Variants in HNF4G observed in about 807,000 individuals in gnomAD.
HNF4G encodes hepatocyte nuclear factor 4 gamma.
Under a neutral mutation model 50.9 loss-of-function variants are expected in HNF4G, and 21 were observed. That is an observed-to-expected ratio of 0.41 (90% CI 0.29 to 0.59). The LOEUF (loss-of-function observed/expected upper bound fraction) is 0.59. HNF4G is among the 20% of genes least tolerant of loss of function. HNF4G has a pLI of 0.26. For synonymous variants in HNF4G, 198 were observed against 185.6 expected, an observed-to-expected ratio of 1.07 and a Z score of -0.54; for missense variants, 527 against 559.4, an observed-to-expected ratio of 0.94 and a Z score of 0.58.
intron 1 of HNF4G, among the ~76,000 whole-genome samples, chr8:75,420,320 A>T (rs2130487193): frequency 6.6e-6 from 1 of 152,340 alleles, no homozygotes; most frequent in Middle Eastern, 3.4e-3. Flanking sequence ...TTCAAGGAGG[A>T]CATTCTTAAA....
intron 1 of HNF4G, among the ~76,000 whole-genome samples, chr8:75,418,453 T>C (rs1414908010): frequency 6.6e-6 from 1 of 152,182 alleles, no homozygotes; most frequent in Non-Finnish European, 1.5e-5. Context: ...ATATATTTGT[T>C]TTCGACTATC....
chr8:75,534,238 A>G (rs141757031), intron 2 of HNF4G, among the ~76,000 whole-genome samples: 9 of 152,058 alleles, frequency 5.9e-5, no homozygotes, highest in African/African-American at 2.2e-4. Context: ...GTGACTGTCA[A>G]ATCCTAACAT....
intron 6 of HNF4G, among the ~76,000 whole-genome samples, chr8:75,558,293 A>C (rs934273500): frequency 6.6e-6 from 1 of 152,204 alleles, no homozygotes; most frequent in East Asian, 1.9e-4. Flanking sequence ...CCAGTGACTG[A>C]TCCCGTTAAA....
At chr8:75,470,693 T>C (rs1241412927) in intron 1 of HNF4G, among the ~76,000 whole-genome samples, 2 of 152,198 alleles carry the variant, frequency 1.3e-5, no homozygotes, top group Non-Finnish European at 2.9e-5. Context: ...CTGGATATCT[T>C]GTTATGTTAA....
At chr8:75,482,373 T>C (rs946465373) in intron 1 of HNF4G, among the ~76,000 whole-genome samples, 1 of 151,178 alleles carries the variant, frequency 6.6e-6, no homozygotes, top group Non-Finnish European at 1.5e-5. Context: ...CCCTCCCTTC[T>C]GCTCCATTTT....
At chr8:75,467,390 G>T (rs993941814) in intron 1 of HNF4G, among the ~76,000 whole-genome samples, 1 of 152,146 alleles carries the variant, frequency 6.6e-6, no homozygotes, top group South Asian at 2.1e-4. Context: ...GGCTGAGTGC[G>T]GTGGCTCATG....
In HNF4G at chr8:75,438,566, C is replaced by A. The variant is rs1435813354; in HGVS notation, c.-144+30404C>A. Among the ~76,000 whole-genome samples, 12 of 151,952 alleles carry A rather than the reference C, an allele frequency of 7.9e-5. 1 individual carries two copies. Among genetic ancestry groups the A allele is most frequent in the Non-Finnish European group, 1.8e-4 (12 of 67,948 alleles). ...TTTCTCTCTCTTCATCCCTCCCTCC[C>A]TTCCTTTCTTCCTTTTCAGTTATGA... On this transcript the variant is annotated intron_variant, in intron 1 of 10. Transcript: ENST00000354370.
At chr8:75,514,354 C>CTTTTTTTTTTCTTTTTTTT (rs1805837081) in intron 2 of HNF4G, among the ~76,000 whole-genome samples, 1 of 125,036 alleles carries the variant, frequency 8.0e-6, no homozygotes, top group Non-Finnish European at 1.6e-5. Flanking sequence ...TTTCTTCTTT[C>CTTTTTTTTTTCTTTTTTTT]TTTTTTTTTT....
At chr8:75,435,740 T>C (rs950817184) in intron 1 of HNF4G, among the ~76,000 whole-genome samples, 3 of 152,126 alleles carry the variant, frequency 2.0e-5, no homozygotes, top group African/African-American at 4.8e-5. Context: ...ATTACAGGCA[T>C]GCACCACCAC....
At chr8:75,515,055 G>C (rs1387450993) in intron 2 of HNF4G, among the ~76,000 whole-genome samples, 1 of 152,050 alleles carries the variant, frequency 6.6e-6, no homozygotes, top group Non-Finnish European at 1.5e-5. Context: ...TTGTCAACCA[G>C]TACTCTAGTT....
At chr8:75,530,157 A>C (rs1369173704) in intron 2 of HNF4G, among the ~76,000 whole-genome samples, 2 of 152,092 alleles carry the variant, frequency 1.3e-5, no homozygotes, top group Non-Finnish European at 2.9e-5. Context: ...ATACCTGGAG[A>C]GCTGCTGGTG....
chr8:75,534,785 T>G (rs1373417886), intron 2 of HNF4G, among the ~76,000 whole-genome samples: 1 of 151,810 alleles, frequency 6.6e-6, no homozygotes, highest in African/African-American at 2.4e-5. Context: ...TGGACTACAT[T>G]TTGTGAATTG....
In HNF4G at chr8:75,435,323, A is replaced by G. The variant is rs554325362; in HGVS notation, c.-144+27161A>G. 3.3e-5 allele frequency among the ~76,000 whole-genome samples: 5 copies of G among 152,354 alleles called. No individual in the cohort carries two copies. The South Asian group carries it at 1.0e-3, about 32-fold the overall frequency. ...TCTATTTCAGTCATCTTACAAATAC[A>G]GAAAAACAACCTATAAAATTAATGT... On this transcript the variant is annotated intron_variant, in intron 1 of 10. Transcript: ENST00000354370.
chr8:75,558,776 A>G, intron 7 of HNF4G, 25 bp from the exon 8 acceptor site: 1 of 1,596,706 alleles, frequency 6.3e-7, no homozygotes, highest in African/African-American at 1.3e-5. Context: ...AAATCTGTAC[A>G]CTGCCTCTCT....
At chr8:75,435,907 T>A (rs1811125639) in intron 1 of HNF4G, among the ~76,000 whole-genome samples, 1 of 152,224 alleles carries the variant, frequency 6.6e-6, no homozygotes, top group South Asian at 2.1e-4. Context: ...AAACAAATTT[T>A]AATGTTCTAT....
chr8:75,507,309 G>A (rs1805610822), intron 2 of HNF4G, among the ~76,000 whole-genome samples: 1 of 150,484 alleles, frequency 6.6e-6, no homozygotes, highest in Admixed American at 6.6e-5. Flanking sequence ...GCCCAGGCTG[G>A]AGTGCAGCGG....
chr8:75,461,928 A>ATATTTT (rs1481909660), intron 1 of HNF4G, among the ~76,000 whole-genome samples: 14 of 40,000 alleles, frequency 3.5e-4, no homozygotes, highest in African/African-American at 1.7e-3. Flanking sequence ...ATATATATAT[A>ATATTTT]TTTTTTTAGA....
intron 3 of HNF4G, among the ~76,000 whole-genome samples, chr8:75,548,348 C>T (rs1806851523): frequency 6.6e-6 from 1 of 152,104 alleles, no homozygotes; most frequent in Non-Finnish European, 1.5e-5. Context: ...TTTTGATGAA[C>T]ATTGAATGAA....
At chr8:75,494,671 A>C (rs944611258) in intron 2 of HNF4G, among the ~76,000 whole-genome samples, 1 of 152,120 alleles carries the variant, frequency 6.6e-6, no homozygotes, top group Non-Finnish European at 1.5e-5. Context: ...TGAACATAAT[A>C]AGTGGTCATT....
Sources: gnomAD v4.1 joint callset for allele counts (sites outside exome capture counted in the v4.1 genomes callset) on GRCh38, gnomAD v4.1.1 for gene constraint, MANE v1.5 for transcripts, NCBI Gene and HGNC (gene_info 2026-07-23, HGNC 2026-07-21) for gene names.